Variants in NEDD4L observed in about 807,000 individuals in gnomAD.
NEDD4L encodes NEDD4 like E3 ubiquitin protein ligase.
In NEDD4L, 54 loss-of-function variants were observed where a neutral mutation model predicts 148.9. The ratio of observed to expected loss-of-function variants is 0.36; its 90% CI spans 0.29 to 0.45. The LOEUF is 0.45. NEDD4L is among the 20% of genes least tolerant of loss of function. The pLI, the probability that NEDD4L is intolerant of heterozygous loss-of-function variation, is 1.00. For synonymous variants in NEDD4L, 433 were observed against 440.7 expected (o/e 0.98, Z 0.22); for missense variants, 856 against 1,233.8 (o/e 0.69, Z 4.59).
Position 58,219,267 on chromosome 18 carries a change from C to T in NEDD4L, c.123-26160C>T, listed in dbSNP as rs531520820. Among the ~76,000 whole-genome samples the T allele has an allele frequency of 2.1e-4, 32 of 152,130 alleles. No homozygotes were observed. The East Asian group carries it at 6.0e-3, about 28-fold the overall frequency. ...GAAAGATCAAATGTAGCCTTTTTTT[C>T]CCTTCCAGAATGAGGCTTTTCTATG... On this transcript the variant is annotated intron_variant, in intron 2 of 30. Coordinates refer to ENST00000400345, the MANE Select transcript of NEDD4L (RefSeq NM_001144967.3).
chr18:58,355,210 G>A (rs1302092432), intron 18 of NEDD4L, among the ~76,000 whole-genome samples: 1 of 152,150 alleles, frequency 6.6e-6, no homozygotes, highest in Non-Finnish European at 1.5e-5. Context: ...CCAGAGAACA[G>A]TTCAGGGAAA....
rs571699547 is a variant in NEDD4L at position 58,180,167 on chromosome 18, C to T, written c.122+14306C>T. Among the ~76,000 whole-genome samples the T allele has an allele frequency of 6.6e-5, 10 of 152,298 alleles. No homozygotes were observed. In the East Asian group the frequency reaches 1.7e-3, roughly 26 times the overall value. On this transcript the variant is annotated intron_variant, in intron 2 of 30. Transcript: ENST00000400345. ...CGGGGGCACAGAGGTCTTTGTGACG[C>T]CCTGCAACGCATCCCTCTCCGAGCC...
chr18:58,167,921 TA>T (rs112715260), intron 2 of NEDD4L, among the ~76,000 whole-genome samples: 3,521 of 147,394 alleles, frequency 0.024, 76 homozygotes, highest in African/African-American at 0.057. Flanking sequence ...ACCCTCCCAT[TA>T]AAAAAAAAAA....
chr18:58,359,937 A>C (rs1306238027), intron 19 of NEDD4L: 1 of 152,204 alleles, frequency 6.6e-6, no homozygotes, highest in Non-Finnish European at 1.5e-5. Flanking sequence ...CTTTGACTCA[A>C]AAGGTCTCAT....
intron 5 of NEDD4L, among the ~76,000 whole-genome samples, chr18:58,303,398 C>T (rs532291216): frequency 1.3e-5 from 2 of 152,180 alleles, no homozygotes; most frequent in African/African-American, 4.8e-5. Context: ...CTCTCATGTT[C>T]CTGGGCTTTC....
At chr18:58,067,856 G>T (rs575460770) in intron 1 of NEDD4L, among the ~76,000 whole-genome samples, 1 of 152,184 alleles carries the variant, frequency 6.6e-6, no homozygotes, top group Non-Finnish European at 1.5e-5. Flanking sequence ...TGGTGGCAGC[G>T]GGGAATGCAG....
chr18:58,317,603 G>A (rs1316188876), intron 6 of NEDD4L, among the ~76,000 whole-genome samples: 3 of 152,166 alleles, frequency 2.0e-5, no homozygotes, highest in Non-Finnish European at 2.9e-5. Context: ...GCAGCACCTG[G>A]TCTTGAAAGG....
In NEDD4L at chr18:58,044,708, G is replaced by A. The variant is rs1183439681; in HGVS notation, c.48G>A (p.Glu16=). The stretch of plus-strand genomic sequence containing the variant: ...CGGTCTATGGACTTTCCGAAGACGA[G>A]GTGAGTGGCACCCCCTTCCTGCTCG... ...GEPVYGLSED[E]GESRILRVKV... is the part of the protein sequence containing the mutation. The change falls in exon 1 of 31, where the codon GAG becomes GAA. Residue 16 remains glutamate (E), a splice_region_variant and synonymous_variant. Transcript: ENST00000400345. 6.2e-7 allele frequency: 1 copy of A among 1,606,502 alleles called. No individual in the cohort carries two copies. Among genetic ancestry groups the A allele is most frequent in the African/African-American group, 1.3e-5 (1 of 74,200 alleles).
At chr18:58,096,381 ATTTTATTTTATTTTATTTTATT>A (rs2084406142) in intron 1 of NEDD4L, among the ~76,000 whole-genome samples, 1 of 132,356 alleles carries the variant, frequency 7.6e-6, no homozygotes, top group African/African-American at 3.4e-5. Flanking sequence ...ATTTTATTTT[ATTTTATTTTATTTTATTTTATT>A]TTATTTTATT....
At chr18:58,238,058 T>C in intron 2 of NEDD4L, among the ~76,000 whole-genome samples, 1 of 152,242 alleles carries the variant, frequency 6.6e-6, no homozygotes, top group Non-Finnish European at 1.5e-5. Flanking sequence ...AGTTTTAATG[T>C]CTTTTTTAGC....
intron 2 of NEDD4L, among the ~76,000 whole-genome samples, chr18:58,191,916 A>T (rs2040162338): frequency 6.6e-6 from 1 of 152,174 alleles, no homozygotes; most frequent in Non-Finnish European, 1.5e-5. Context: ...CACACTTGTA[A>T]TCCCAACACT....
intron 1 of NEDD4L, among the ~76,000 whole-genome samples, chr18:58,089,126 A>ATTT (rs570623396): frequency 0.025 from 2,490 of 100,792 alleles, 122 homozygotes; most frequent in African/African-American, 0.07. Flanking sequence ...TTATTTCATA[A>ATTT]TTTTTTTTTT....
intron 29 of NEDD4L, 37 bp downstream of exon 29, chr18:58,390,779 G>C: frequency 6.8e-7 from 1 of 1,459,914 alleles, no homozygotes; most frequent in South Asian, 1.2e-5. Context: ...TGTCCTCCTG[G>C]GAATTTCCAG....
intron 12 of NEDD4L, among the ~76,000 whole-genome samples, chr18:58,334,911 T>TTG (rs2144871194): frequency 6.6e-6 from 1 of 152,224 alleles, no homozygotes; most frequent in East Asian, 1.9e-4. Flanking sequence ...TCTGGGATGG[T>TTG]TTCAGTACAG....
At position 58,161,055 on chromosome 18, in the gene NEDD4L, C is replaced by T. The variant is rs537882908; in HGVS notation, c.49-4733C>T. Among the ~76,000 whole-genome samples the T allele has an allele frequency of 4.6e-5, 7 of 151,944 alleles. 1 individual carries two copies. The highest frequency in any genetic ancestry group is 5.9e-5 in the Non-Finnish European group (4 of 67,964). On this transcript the variant is annotated intron_variant, in intron 1 of 30. Coordinates refer to ENST00000400345, the MANE Select transcript of NEDD4L (RefSeq NM_001144967.3). ...TCTTTGAGACAGGGTCTCACTCTGT[C>T]GCCCAGGCTGGAGTGCAATGGTGCG...
At chr18:58,103,535 C>T (rs958639595) in intron 1 of NEDD4L, among the ~76,000 whole-genome samples, 2 of 152,068 alleles carry the variant, frequency 1.3e-5, no homozygotes, top group Non-Finnish European at 2.9e-5. Context: ...CTTTCAAAGC[C>T]CATGGGTGAT....
At chr18:58,333,386 C>A (rs760804309) in intron 11 of NEDD4L, among the ~76,000 whole-genome samples, 1 of 151,790 alleles carries the variant, frequency 6.6e-6, no homozygotes, top group Non-Finnish European at 1.5e-5. Context: ...GACTCTTTTT[C>A]AATTGTAGTA....
Position 58,160,995 on chromosome 18 carries a change from C to T in NEDD4L, c.49-4793C>T, listed in dbSNP as rs144990836. Among the ~76,000 whole-genome samples, 1,335 of 152,136 alleles carry T rather than the reference C, an allele frequency of 8.8e-3. 14 individuals are homozygous for T. Among genetic ancestry groups the T allele is most frequent in the African/African-American group, 0.03 (1,265 of 41,522 alleles). ...CCTTTGTGAGTCACCTAAAAAATAA[C>T]TCATAGGGTTGTTTTTCTTTCTTTC... On this transcript the variant is annotated intron_variant, in intron 1 of 30. Coordinates refer to ENST00000400345, the MANE Select transcript of NEDD4L (RefSeq NM_001144967.3).
At chr18:58,394,504 C>G (rs1021618081) in intron 30 of NEDD4L, among the ~76,000 whole-genome samples, 2 of 152,264 alleles carry the variant, frequency 1.3e-5, no homozygotes, top group Non-Finnish European at 2.9e-5. Flanking sequence ...GCTGAAAAGC[C>G]TGAAGCCACT....
Sources: allele counts gnomAD v4.1 joint callset (sites outside exome capture counted in the v4.1 genomes callset), GRCh38; gene constraint gnomAD v4.1.1; transcripts MANE v1.5; gene names NCBI Gene and HGNC (gene_info 2026-07-23, HGNC 2026-07-21).